Variants in NRXN3 observed in about 807,000 individuals in gnomAD.
NRXN3 encodes neurexin III.
Under a neutral mutation model 137.6 loss-of-function variants are expected in NRXN3, and 32 were observed. The ratio of observed to expected loss-of-function variants is 0.23; its 90% CI spans 0.18 to 0.31. The LOEUF (loss-of-function observed/expected upper bound fraction) is 0.31, where lower values mean the gene tolerates loss of function less well. Among genes scored for constraint, NRXN3 ranks in the 10% least tolerant of loss-of-function variants. NRXN3 has a pLI of 1.00. For missense variants in NRXN3, 1,574 were observed against 2,062.5 expected, an observed-to-expected ratio of 0.76 and a Z score of 4.59; for synonymous variants, 798 against 784.5, an observed-to-expected ratio of 1.02 and a Z score of -0.29.
At position 79,442,304 on chromosome 14, in the gene NRXN3, G is replaced by A. The variant is rs181749867; in HGVS notation, c.3263-24917G>A. Among the ~76,000 whole-genome samples, 102 of 152,262 alleles carry A rather than the reference G, an allele frequency of 6.7e-4. No individual in the cohort carries two copies. In the Middle Eastern group the frequency reaches 0.017, roughly 25 times the overall value. On this transcript the variant is annotated intron_variant, in intron 15 of 20. Transcript: ENST00000335750. ...GTCTCAGGAAAACAGAACCAAGTTT[G>A]CTATAATTTGGAGAGACAAAACTAA...
intron 16 of NRXN3, among the ~76,000 whole-genome samples, chr14:79,583,265 A>G (rs73326065): frequency 0.014 from 2,163 of 152,264 alleles, 54 homozygotes; most frequent in African/African-American, 0.05. Context: ...TACCTACCTC[A>G]CAAGGTTGTG....
At chr14:79,564,115 T>C (rs900479372) in intron 16 of NRXN3, among the ~76,000 whole-genome samples, 15 of 151,686 alleles carry the variant, frequency 9.9e-5, no homozygotes, top group Non-Finnish European at 1.5e-5. Context: ...AAATTACATG[T>C]GTAAGTGTAT....
At chr14:79,097,909 A>G (rs542905512) in intron 15 of NRXN3, among the ~76,000 whole-genome samples, 2 of 152,270 alleles carry the variant, frequency 1.3e-5, no homozygotes, top group South Asian at 2.1e-4. Flanking sequence ...TAAATGATAT[A>G]CATACGAATT....
chr14:79,295,018 C>T (rs1161894380), intron 15 of NRXN3, among the ~76,000 whole-genome samples: 2 of 152,074 alleles, frequency 1.3e-5, no homozygotes, highest in African/African-American at 2.4e-5. Flanking sequence ...TCTGAAACAC[C>T]AGTCTGATCA....
chr14:78,351,849 T>G lies in NRXN3; in HGVS notation c.757+53989T>G, dbSNP rs528505946. Among the ~76,000 whole-genome samples, 29 of 150,772 alleles carry G rather than the reference T, an allele frequency of 1.9e-4. 1 individual carries two copies. The South Asian group carries it at 5.2e-3, about 27-fold the overall frequency. The stretch of plus-strand genomic sequence containing the variant: ...ATGTTGGCAAATTTATTAATTTGGC[T>G]CTCCATAGGTTGTATTTTTTATGCC... On this transcript the variant is annotated intron_variant, in intron 4 of 20. Coordinates refer to ENST00000335750, the MANE Select transcript of NRXN3 (RefSeq NM_001330195.2).
chr14:78,391,876 G>A (rs1402116683), intron 4 of NRXN3, among the ~76,000 whole-genome samples: 2 of 152,054 alleles, frequency 1.3e-5, no homozygotes, highest in Non-Finnish European at 2.9e-5. Context: ...AATGCTTCTA[G>A]TATTATTTTT....
intron 15 of NRXN3, among the ~76,000 whole-genome samples, chr14:79,325,931 T>TA (rs894552827): frequency 2.6e-5 from 4 of 151,500 alleles, no homozygotes; most frequent in Non-Finnish European, 4.4e-5. Context: ...AAATAAAAAA[T>TA]AAAAAAAAGC....
chr14:78,831,625 T>G (rs1417621817), intron 10 of NRXN3, among the ~76,000 whole-genome samples: 1 of 150,352 alleles, frequency 6.7e-6, no homozygotes, highest in Non-Finnish European at 1.5e-5. Context: ...TGGGTGAATA[T>G]CAACATCTGT....
intron 4 of NRXN3, among the ~76,000 whole-genome samples, chr14:78,315,958 C>A (rs2078665657): frequency 6.6e-6 from 1 of 152,172 alleles, no homozygotes; most frequent in African/African-American, 2.4e-5. Flanking sequence ...ACCATTACCT[C>A]CATGATGTTC....
chr14:79,026,658 A>G (rs2099598471), intron 15 of NRXN3, among the ~76,000 whole-genome samples: 1 of 152,070 alleles, frequency 6.6e-6, no homozygotes, highest in Non-Finnish European at 1.5e-5. Flanking sequence ...ATTGAGTGGA[A>G]AGGAAATCTC....
chr14:79,404,447 TTG>T (rs1351515908), intron 15 of NRXN3, among the ~76,000 whole-genome samples: 1 of 152,178 alleles, frequency 6.6e-6, no homozygotes, highest in Non-Finnish European at 1.5e-5. Context: ...TGGTTATTAG[TTG>T]TGTGTTTTTC....
intron 10 of NRXN3, among the ~76,000 whole-genome samples, chr14:78,909,811 T>C (rs1426565681): frequency 6.6e-6 from 1 of 152,138 alleles, no homozygotes; most frequent in African/African-American, 2.4e-5. Context: ...TTAATTTTTA[T>C]CTACTTGCCC....
At chr14:78,350,573 G>T (rs1009201481) in intron 4 of NRXN3, among the ~76,000 whole-genome samples, 1 of 152,148 alleles carries the variant, frequency 6.6e-6, no homozygotes, top group Non-Finnish European at 1.5e-5. Context: ...ACCATGCAAA[G>T]AAGCTAGGAT....
Position 79,644,702 on chromosome 14 carries a change from A to G in NRXN3, c.3445-19076A>G, listed in dbSNP as rs761654049. ...TTTAAAAATTATCAAAGTGAAAGCT[A>G]AAGGAAGAAACAGCCGTGTACATTT... On this transcript the variant is annotated intron_variant, in intron 16 of 20. Coordinates refer to ENST00000335750, the MANE Select transcript of NRXN3 (RefSeq NM_001330195.2). 6.6e-5 allele frequency among the ~76,000 whole-genome samples: 9 copies of G among 136,092 alleles called. 3 individuals are homozygous for G. The highest frequency in any genetic ancestry group is 1.2e-4 in the Non-Finnish European group (7 of 58,548). 89.3% of individuals were successfully genotyped at this position (136,092 alleles called of 152,430 possible).
intron 4 of NRXN3, among the ~76,000 whole-genome samples, chr14:78,345,697 C>G (rs557479847): frequency 6.6e-6 from 1 of 152,058 alleles, no homozygotes; most frequent in African/African-American, 2.4e-5. Context: ...AAGAGGAACC[C>G]GTTTTGGGAT....
intron 15 of NRXN3, among the ~76,000 whole-genome samples, chr14:79,039,245 CTG>C (rs534276248): frequency 1.1e-3 from 163 of 152,206 alleles, no homozygotes; most frequent in African/African-American, 3.7e-3. Context: ...CTTCAACTGA[CTG>C]TGAATGATGT....
intron 4 of NRXN3, among the ~76,000 whole-genome samples, chr14:78,582,894 TAAC>T (rs1462133900): frequency 6.6e-6 from 1 of 152,224 alleles, no homozygotes; most frequent in African/African-American, 2.4e-5. Flanking sequence ...TCTGCAGAGT[TAAC>T]AACCATCATA....
At chr14:79,803,356 T>C (rs915482669) in intron 19 of NRXN3, among the ~76,000 whole-genome samples, 1 of 152,092 alleles carries the variant, frequency 6.6e-6, no homozygotes, top group Non-Finnish European at 1.5e-5. Context: ...ACAATAGAAA[T>C]TTATTTCCTC....
chr14:78,252,585 C>A (rs527888935), intron 2 of NRXN3, among the ~76,000 whole-genome samples: 3 of 152,190 alleles, frequency 2.0e-5, no homozygotes, highest in Non-Finnish European at 4.4e-5. Flanking sequence ...GATCTGCTAG[C>A]TTGGTTCTCT....
Sources: allele counts gnomAD v4.1 joint callset (sites outside exome capture counted in the v4.1 genomes callset), GRCh38; gene constraint gnomAD v4.1.1; transcripts MANE v1.5; gene names NCBI Gene and HGNC (gene_info 2026-07-23, HGNC 2026-07-21).